NAALADL2: variants seen among roughly 807,000 people sequenced by gnomAD.
NAALADL2 encodes inactive N-acetylated-alpha-linked acidic dipeptidase-like protein 2.
Under a neutral mutation model 87.2 loss-of-function variants are expected in NAALADL2, and 76 were observed. That is an observed-to-expected ratio of 0.87 (90% CI 0.72 to 1.05). The LOEUF (loss-of-function observed/expected upper bound fraction) is 1.05. Ranked by LOEUF, NAALADL2 falls within the 50% of genes least tolerant of loss-of-function variation. NAALADL2 has a pLI of 0.00. For synonymous variants in NAALADL2, 354 were observed against 331.0 expected, an observed-to-expected ratio of 1.07 and a Z score of -0.75; for missense variants, 1,089 against 945.8, an observed-to-expected ratio of 1.15 and a Z score of -1.99.
intron 2 of NAALADL2, among the ~76,000 whole-genome samples, chr3:174,669,807 G>A (rs1726351148): frequency 2.0e-5 from 3 of 151,752 alleles, no homozygotes; most frequent in African/African-American, 7.3e-5. Context: ...ATAGTTAATT[G>A]AATCTGTAGG....
At chr3:175,460,895 G>C (rs1476568295) in intron 6 of NAALADL2, among the ~76,000 whole-genome samples, 1 of 152,222 alleles carries the variant, frequency 6.6e-6, no homozygotes, top group Non-Finnish European at 1.5e-5. Flanking sequence ...AGCTTCCACA[G>C]TGTGGAAAGT....
rs373704167 is a variant in NAALADL2 at position 175,000,105 on chromosome 3, C to T, written c.44-96685C>T. ...AATATAAATAAACTTCAGCTAGTAG[C>T]TCAGTTCAATTTAACATTCATTTAT... On this transcript the variant is annotated intron_variant, in intron 1 of 13. Coordinates refer to ENST00000454872, the MANE Select transcript of NAALADL2 (RefSeq NM_207015.3). Among the ~76,000 whole-genome samples, 173 of 152,208 alleles carry T rather than the reference C, an allele frequency of 1.1e-3. 1 individual carries two copies. The highest frequency in any genetic ancestry group is 4.0e-3 in the African/African-American group (166 of 41,534).
In NAALADL2 at chr3:174,831,102, C is replaced by T. The variant is rs1722625327; in HGVS notation, c.-9+93356C>T. On this transcript the variant is annotated intron_variant, in intron 3 of 3. Coordinates refer to the NAALADL2 transcript ENST00000434257. Reference sequence around the variant, plus strand: ...TTCCTAATTGAATACCCTTTATTTCCTTCTCCTGCCTAACTGCCCTGGCCA... The same window carrying T: ...TTCCTAATTGAATACCCTTTATTTCTTTCTCCTGCCTAACTGCCCTGGCCA... 2.0e-5 allele frequency among the ~76,000 whole-genome samples: 3 copies of T among 151,762 alleles called. No individual in the cohort carries two copies. The South Asian group carries it at 6.2e-4, about 31-fold the overall frequency.
chr3:175,786,107 A>G (rs919378996), intron 13 of NAALADL2, among the ~76,000 whole-genome samples: 19 of 152,122 alleles, frequency 1.2e-4, no homozygotes, highest in East Asian at 9.7e-4. Context: ...AGGGTAACCC[A>G]ACCTTTCTCT....
intron 9 of NAALADL2, among the ~76,000 whole-genome samples, chr3:175,537,942 A>G (rs541579778): frequency 6.6e-6 from 1 of 152,174 alleles, no homozygotes; most frequent in Non-Finnish European, 1.5e-5. Flanking sequence ...ATTTAATTGT[A>G]TAAGAAAAGA....
At chr3:174,823,687 G>A (rs941757781) in intron 3 of NAALADL2, among the ~76,000 whole-genome samples, 3 of 152,086 alleles carry the variant, frequency 2.0e-5, no homozygotes, top group Non-Finnish European at 4.4e-5. Context: ...TGTAACATAA[G>A]TTATTCTTTT....
intron 3 of NAALADL2, among the ~76,000 whole-genome samples, chr3:174,791,219 T>C (rs998728763): frequency 1.3e-5 from 2 of 152,228 alleles, no homozygotes; most frequent in African/African-American, 4.8e-5. Context: ...AGGACCATGC[T>C]GTGGGCCACA....
Position 174,827,298 on chromosome 3 carries a change from G to A in NAALADL2, c.-9+89552G>A, listed in dbSNP as rs145026723. 2.9e-3 allele frequency among the ~76,000 whole-genome samples: 444 copies of A among 152,310 alleles called. 2 individuals carry two copies. The highest frequency in any genetic ancestry group is 0.01 in the African/African-American group (429 of 41,570). On this transcript the variant is annotated intron_variant, in intron 3 of 3. Coordinates refer to the NAALADL2 transcript ENST00000434257. ...AGCAAAACAAACTTACTGTCTTACAGTTCTATGGGTCAGAATTCCAACATG... is the reference window on the plus strand; with the variant it reads ...AGCAAAACAAACTTACTGTCTTACAATTCTATGGGTCAGAATTCCAACATG...
intron 2 of NAALADL2, among the ~76,000 whole-genome samples, chr3:175,230,654 C>T (rs1304627209): frequency 1.3e-5 from 2 of 152,140 alleles, no homozygotes; most frequent in South Asian, 4.1e-4. Context: ...GTATATCCTG[C>T]AATCCGGCAG....
chr3:174,470,659 T>C (rs1417996843), intron 1 of NAALADL2, among the ~76,000 whole-genome samples: 1 of 152,170 alleles, frequency 6.6e-6, no homozygotes, highest in Non-Finnish European at 1.5e-5. Flanking sequence ...TTGTATATCT[T>C]AACTGGTAGG....
At chr3:175,132,964 C>T (rs1728390441) in intron 2 of NAALADL2, among the ~76,000 whole-genome samples, 1 of 151,618 alleles carries the variant, frequency 6.6e-6, no homozygotes, top group African/African-American at 2.4e-5. Context: ...CCTCTCTTCT[C>T]AGACGGGGCG....
chr3:174,796,290 G>A (rs936902916), intron 3 of NAALADL2, among the ~76,000 whole-genome samples: 1 of 152,126 alleles, frequency 6.6e-6, no homozygotes, highest in African/African-American at 2.4e-5. Flanking sequence ...TTGCATACTG[G>A]TGGTCTGAGC....
intron 2 of NAALADL2, among the ~76,000 whole-genome samples, chr3:175,182,550 GTTTTTT>G (rs1161831796): frequency 5.8e-5 from 4 of 69,474 alleles, no homozygotes; most frequent in East Asian, 4.6e-4. Flanking sequence ...ACCACAGCCA[GTTTTTT>G]TTTTTTTTTT....
At chr3:174,848,005 CTCT>C (rs1724827826) in intron 3 of NAALADL2, among the ~76,000 whole-genome samples, 3 of 144,454 alleles carry the variant, frequency 2.1e-5, no homozygotes, top group Non-Finnish European at 1.5e-5. Context: ...TCTTTTCTCT[CTCT>C]TTTTTTTTTT....
chr3:174,456,181 C>A lies in NAALADL2; in HGVS notation c.-184+15149C>A, dbSNP rs998822322. Among the ~76,000 whole-genome samples the A allele has an allele frequency of 5.9e-5, 9 of 152,020 alleles. No individual in the cohort carries two copies. The East Asian group carries it at 1.6e-3, about 26-fold the overall frequency. On this transcript the variant is annotated intron_variant, in intron 1 of 3. Transcript: ENST00000434257. ...AGGTGAAAGATCTCTGTAATGAGAA[C>A]TACAAAACACTGCTCAGAGAAATCA...
At chr3:175,633,270 G>A (rs1200129692) in intron 11 of NAALADL2, among the ~76,000 whole-genome samples, 1 of 151,862 alleles carries the variant, frequency 6.6e-6, no homozygotes, top group Non-Finnish European at 1.5e-5. Flanking sequence ...AGCTCCACTT[G>A]GCTTGTTCCT....
chr3:175,787,429 A>G (rs1752183548), intron 13 of NAALADL2, among the ~76,000 whole-genome samples: 1 of 152,154 alleles, frequency 6.6e-6, no homozygotes, highest in Non-Finnish European at 1.5e-5. Context: ...CCGTTTTTTA[A>G]GCCGGTCCGA....
chr3:175,410,113 C>T (rs1051701254), intron 5 of NAALADL2, among the ~76,000 whole-genome samples: 2 of 151,966 alleles, frequency 1.3e-5, no homozygotes, highest in Non-Finnish European at 2.9e-5. Flanking sequence ...TTTATATTGT[C>T]TAAATAATTC....
At chr3:174,875,711 A>C (rs751996831) in intron 1 of NAALADL2, among the ~76,000 whole-genome samples, 3 of 152,148 alleles carry the variant, frequency 2.0e-5, no homozygotes, top group Non-Finnish European at 4.4e-5. Flanking sequence ...AATAACTAAA[A>C]TCTGTGTTTA....
Sources: allele counts gnomAD v4.1 joint callset (sites outside exome capture counted in the v4.1 genomes callset), GRCh38; gene constraint gnomAD v4.1.1; transcripts MANE v1.5; gene names NCBI Gene and HGNC (gene_info 2026-07-23, HGNC 2026-07-21).